The following TASOR variants were observed in gnomAD, a reference collection of about 807,000 sequenced individuals.
TASOR encodes the protein protein TASOR.
Under a neutral mutation model 178.6 loss-of-function variants are expected in TASOR, and 53 were observed. The observed-to-expected ratio is 0.30, with a 90% CI of 0.24 to 0.37. The LOEUF (loss-of-function observed/expected upper bound fraction) is 0.37, where lower values mean the gene tolerates loss of function less well. Among genes scored for constraint, TASOR ranks in the 10% least tolerant of loss-of-function variants. TASOR has a pLI of 1.00. For synonymous variants in TASOR, 713 were observed against 696.2 expected, an observed-to-expected ratio of 1.02 and a Z score of -0.38; for missense variants, 1,815 against 1,971.4, an observed-to-expected ratio of 0.92 and a Z score of 1.50.
In TASOR at chr3:56,673,576, A is replaced by AT; in HGVS notation, c.477+3dup. 1 of 1,541,872 alleles carries AT rather than the reference A, an allele frequency of 6.5e-7. No homozygotes were observed. The highest frequency in any genetic ancestry group is 8.7e-7 in the Non-Finnish European group (1 of 1,143,770). ...TCTTACAGTAAGTATAATTTAAAAC[A>AT]TACCTCCTTTTCCAAAAGCTCATTG... On this transcript the variant is annotated splice_donor_region_variant and intron_variant, in intron 2 of 23. Transcript: ENST00000683822.
rs770104574 is a variant in TASOR, at chr3:56,640,053, A to G, written c.2697T>C (p.Arg899=). 6.2e-7 allele frequency: 1 copy of G among 1,613,402 alleles called. No individual in the cohort carries two copies. The highest frequency in any genetic ancestry group is 1.1e-5 in the South Asian group (1 of 90,884). Residue 899 remains arginine (R), a synonymous_variant, in exon 16 of 24, where the codon CGT becomes CGC. Transcript: ENST00000683822. The part of the protein sequence containing the change: ...CPSVPIEHGF[R]RQQSKSNNVE... Reference sequence around the variant, plus strand: ...CATTATTTGACTTAGACTGTTGTCTACGAAATCCATGTTCAATGGGAACAC... The same window carrying G: ...CATTATTTGACTTAGACTGTTGTCTGCGAAATCCATGTTCAATGGGAACAC...
intron 18 of TASOR, among the ~76,000 whole-genome samples, chr3:56,629,831 C>T (rs2076873103): frequency 6.6e-6 from 1 of 152,152 alleles, no homozygotes; most frequent in South Asian, 2.1e-4. Flanking sequence ...GAAGTGTTAC[C>T]CCAAAGAGGA....
intron 5 of TASOR, among the ~76,000 whole-genome samples, chr3:56,668,952 G>A (rs1008205047): frequency 6.6e-6 from 1 of 152,054 alleles, no homozygotes; most frequent in African/African-American, 2.4e-5. Flanking sequence ...CAGCCTGTGT[G>A]ACAGAGTGAG....
Position 56,660,981 on chromosome 3 carries a change from A to G in TASOR, c.1197T>C (p.Ile399=). 1 of 1,610,410 alleles carries G rather than the reference A, an allele frequency of 6.2e-7. No individual in the cohort carries two copies. The change falls in exon 10 of 24, where the codon ATT becomes ATC. Residue 399 remains isoleucine, a synonymous_variant. Transcript: ENST00000683822. Reference sequence around the variant, plus strand: ...GAGGGATTTTCTGTTTCAGATGATCAATACTCATAACTGTTTCAACATCTA... The same window carrying G: ...GAGGGATTTTCTGTTTCAGATGATCGATACTCATAACTGTTTCAACATCTA... The part of the protein sequence containing the change: ...EKLDVETVMS[I]DHLKQKIPPA...
intron 11 of TASOR, among the ~76,000 whole-genome samples, chr3:56,653,391 T>C (rs537992188): frequency 7.7e-6 from 1 of 129,526 alleles, no homozygotes; most frequent in South Asian, 2.5e-4. Context: ...GGAAAAGATA[T>C]ACCAAGCTGG....
At position 56,645,755 on chromosome 3, in the gene TASOR, T is replaced by C. The variant is rs114337175; in HGVS notation, c.2215+767A>G. Among the ~76,000 whole-genome samples the C allele has an allele frequency of 6.8e-3, 1,031 of 152,286 alleles. 9 individuals are homozygous for C. The highest frequency in any genetic ancestry group is 0.021 in the African/African-American group (886 of 41,566). On this transcript the variant is annotated intron_variant, in intron 14 of 23. Transcript: ENST00000683822. ...GATTCTTGGGGTAGAAAAGAGTATGTGTATGCATATTTTATTTTCAAATTC... is the reference window on the plus strand; with the variant it reads ...GATTCTTGGGGTAGAAAAGAGTATGCGTATGCATATTTTATTTTCAAATTC...
chr3:56,622,923 TAAATA>T lies in TASOR; in HGVS notation c.*109_*113del. The T allele has an allele frequency of 3.1e-6, 2 of 643,874 alleles. No individual in the cohort carries two copies. Among genetic ancestry groups the T allele is most frequent in the Non-Finnish European group, 4.9e-6 (2 of 404,322 alleles). 39.9% of individuals were successfully genotyped at this position (643,874 alleles called of 1,614,324 possible). ...TCAACTGTTACAGGCCATCATGATT[TAAATA>T]AAAGAAAAAACATTTGAGAAAGAAC... On this transcript the variant is annotated 3_prime_UTR_variant, in exon 24 of 24. Coordinates refer to ENST00000683822, the MANE Select transcript of TASOR (RefSeq NM_001365635.2).
intron 6 of TASOR, among the ~76,000 whole-genome samples, chr3:56,667,304 C>G (rs1350903263): frequency 1.3e-5 from 2 of 152,032 alleles, no homozygotes; most frequent in South Asian, 2.1e-4. Flanking sequence ...GGGAAGTTAA[C>G]ATTACTACTT....
In TASOR at chr3:56,638,720, T is replaced by A. The variant is rs2077064875; in HGVS notation, c.2810A>T (p.Glu937Val). The A allele has an allele frequency of 6.2e-7, 1 of 1,614,130 alleles. No individual in the cohort carries two copies. Among genetic ancestry groups the A allele is most frequent in the Non-Finnish European group, 8.5e-7 (1 of 1,179,986 alleles). The change falls in exon 17 of 24, where the codon GAG (glutamate) becomes GTG (valine). Residue 937 changes from glutamate (E) to valine (V), a missense_variant. Glu to Val is a moderately radical substitution (Grantham distance 121). Transcript: ENST00000683822. ...AGCCTTCTCACCTGGTGTTTGTTTC[T>A]CACCATGTTTCCCCAGCTGGTCTTC... ...SPEDQLGKHG[E>V]KQTPGMKSPE...
At chr3:56,663,257 C>T (rs2077637161) in intron 8 of TASOR, among the ~76,000 whole-genome samples, 1 of 152,122 alleles carries the variant, frequency 6.6e-6, no homozygotes, top group Admixed American at 6.6e-5. Context: ...AATTCTAAGT[C>T]CTACACCTCT....
intron 1 of TASOR, among the ~76,000 whole-genome samples, chr3:56,675,983 C>T (rs79101702): frequency 0.027 from 4,070 of 151,766 alleles, 97 homozygotes; most frequent in African/African-American, 0.062. Context: ...GAACTGTGCA[C>T]GAAAAAAATA....
intron 1 of TASOR, among the ~76,000 whole-genome samples, chr3:56,679,643 C>T (rs1467026304): frequency 2.0e-5 from 3 of 152,080 alleles, no homozygotes; most frequent in African/African-American, 7.2e-5. Flanking sequence ...TTTGAGACTC[C>T]CTTGGACCCT....
intron 15 of TASOR, among the ~76,000 whole-genome samples, chr3:56,640,913 G>T (rs1018632105): frequency 6.6e-6 from 1 of 151,974 alleles, no homozygotes; most frequent in African/African-American, 2.4e-5. Context: ...TCCTATTTGC[G>T]TAAGAAATAC....
rs185436743 is a variant in TASOR at position 56,648,512 on chromosome 3, T to A, written c.1513+310A>T. 2.2e-4 allele frequency among the ~76,000 whole-genome samples: 33 copies of A among 150,250 alleles called. 1 individual carries two copies. The East Asian group carries it at 6.6e-3, about 30-fold the overall frequency. ...GGGAGTGGTGGTAGATGCCTTGTAA[T>A]CCCAGCTACTCAGGAGGCTGAGGCA... is the stretch of plus-strand genomic sequence containing the variant. On this transcript the variant is annotated intron_variant, in intron 13 of 23. Transcript: ENST00000683822.
In TASOR at chr3:56,641,596, T is replaced by A. The variant is rs192706645; in HGVS notation, c.2372A>T (p.Asp791Val). 6.2e-7 allele frequency: 1 copy of A among 1,614,194 alleles called. No homozygotes were observed. Among genetic ancestry groups the A allele is most frequent in the Non-Finnish European group, 8.5e-7 (1 of 1,180,036 alleles). The change falls in exon 15 of 24, where the codon GAC becomes GTC. Residue 791 changes from aspartate to valine, a missense_variant. By Grantham distance (152) the Asp-to-Val change is radical. Coordinates refer to ENST00000683822, the MANE Select transcript of TASOR (RefSeq NM_001365635.2). ...CAATCCTAAGGCTTTGTTGACTGTG[T>A]CTGTCAGAGATGCATCAGAATGGCG... Reference protein sequence around the residue: ...NARHSDASLTDTVNKALGLST... With the variant: ...NARHSDASLTVTVNKALGLST...
chr3:56,673,799 G>T, intron 1 of TASOR, 74 bp from the exon 2 acceptor site: 2 of 1,304,970 alleles, frequency 1.5e-6, no homozygotes, highest in Non-Finnish European at 2.0e-6. Flanking sequence ...TATTTTTGTG[G>T]GTTAATGTAA....
intron 18 of TASOR, 39 bp downstream of exon 18, chr3:56,633,005 A>G (rs754947610): frequency 2.1e-6 from 3 of 1,443,088 alleles, no homozygotes; most frequent in Admixed American, 4.6e-5. Context: ...CAACAAGAGA[A>G]GTTTGTACAG....
intron 1 of TASOR, among the ~76,000 whole-genome samples, chr3:56,681,281 C>T (rs941663938): frequency 2.6e-5 from 4 of 152,150 alleles, no homozygotes; most frequent in Non-Finnish European, 5.9e-5. Flanking sequence ...TTTTCTCATA[C>T]AGACTATAAT....
chr3:56,625,924 C>G (rs1053656817), intron 21 of TASOR, among the ~76,000 whole-genome samples: 3 of 152,116 alleles, frequency 2.0e-5, no homozygotes, highest in Non-Finnish European at 4.4e-5. Flanking sequence ...GCCCGGCCAG[C>G]TCTAAGCTGT....
Sources: gnomAD v4.1 joint callset for allele counts (sites outside exome capture counted in the v4.1 genomes callset) on GRCh38, gnomAD v4.1.1 for gene constraint, MANE v1.5 for transcripts, NCBI Gene and HGNC (gene_info 2026-07-23, HGNC 2026-07-21) for gene names.